The following PLCB1 variants were observed in gnomAD, a reference collection of about 807,000 sequenced individuals.
PLCB1 encodes 1-phosphatidylinositol 4,5-bisphosphate phosphodiesterase beta-1.
Under a neutral mutation model 161.8 loss-of-function variants are expected in PLCB1, and 46 were observed. The observed-to-expected ratio is 0.28, with a 90% CI of 0.22 to 0.36. PLCB1 has a LOEUF of 0.36. PLCB1 is among the 10% of genes least tolerant of loss of function. The pLI, the probability that PLCB1 is intolerant of heterozygous loss-of-function variation, is 1.00. For synonymous variants in PLCB1, 517 were observed against 503.7 expected, an observed-to-expected ratio of 1.03 and a Z score of -0.35; for missense variants, 1,016 against 1,472.5, an observed-to-expected ratio of 0.69 and a Z score of 5.07.
chr20:8,730,160 G>T (rs1254104785), intron 18 of PLCB1, among the ~76,000 whole-genome samples: 2 of 151,864 alleles, frequency 1.3e-5, no homozygotes, highest in Admixed American at 6.6e-5. Context: ...ATCAGGTCAG[G>T]CTGATTAATG....
rs545096868 is a variant in PLCB1, at chr20:8,269,049, C to T, written c.178-102333C>T. Reference sequence around the variant, plus strand: ...TCTCCTCAGTCTACCTGGCTCTGCACTTATTGATCCTGAGAATTTATGAAG... The same window carrying T: ...TCTCCTCAGTCTACCTGGCTCTGCATTTATTGATCCTGAGAATTTATGAAG... On this transcript the variant is annotated intron_variant, in intron 2 of 31. Transcript: ENST00000338037. Among the ~76,000 whole-genome samples the T allele has an allele frequency of 1.0e-4, 15 of 149,230 alleles. No homozygotes were observed. The East Asian group carries it at 2.6e-3, about 26-fold the overall frequency.
intron 31 of PLCB1, among the ~76,000 whole-genome samples, chr20:8,810,651 G>C (rs1984771052): frequency 6.6e-6 from 1 of 152,192 alleles, no homozygotes; most frequent in Admixed American, 6.5e-5. Flanking sequence ...GGTAGTTCTG[G>C]ATAACTTTTA....
chr20:8,416,973 G>A (rs1394565882), intron 3 of PLCB1, among the ~76,000 whole-genome samples: 1 of 119,970 alleles, frequency 8.3e-6, no homozygotes, highest in Non-Finnish European at 1.7e-5. Context: ...CACACACAGA[G>A]TCGCTTCAGC....
intron 2 of PLCB1, among the ~76,000 whole-genome samples, chr20:8,357,213 G>C (rs1167446613): frequency 6.6e-6 from 1 of 152,176 alleles, no homozygotes; most frequent in Non-Finnish European, 1.5e-5. Context: ...AGAGGATAAA[G>C]TGTTTTATCA....
intron 3 of PLCB1, among the ~76,000 whole-genome samples, chr20:8,398,049 G>T (rs1022978990): frequency 4.7e-4 from 71 of 152,016 alleles, no homozygotes; most frequent in African/African-American, 1.6e-3. Flanking sequence ...CCCCCTTGCA[G>T]TGTATTACAG....
At chr20:8,837,088 TGATGAGGGTTCTTTGCCAGCAG>T (rs550460061) in intron 31 of PLCB1, among the ~76,000 whole-genome samples, 90 of 152,290 alleles carry the variant, frequency 5.9e-4, no homozygotes, top group African/African-American at 2.1e-3. Flanking sequence ...CCCTAAATTA[TGATGAGGGTTCTTTGCCAGCAG>T]AAGAGCCCTC....
At chr20:8,308,006 C>G (rs983759055) in intron 2 of PLCB1, among the ~76,000 whole-genome samples, 2 of 151,962 alleles carry the variant, frequency 1.3e-5, no homozygotes, top group African/African-American at 4.8e-5. Context: ...TATTTGTTGT[C>G]TGCATTATAG....
At chr20:8,665,240 G>C (rs1423457013) in intron 9 of PLCB1, among the ~76,000 whole-genome samples, 3 of 152,124 alleles carry the variant, frequency 2.0e-5, no homozygotes, top group Non-Finnish European at 4.4e-5. Context: ...CTGCTCCCTA[G>C]TTTTCTCAAC....
At chr20:8,222,216 T>C (rs1979450062) in intron 2 of PLCB1, among the ~76,000 whole-genome samples, 1 of 152,188 alleles carries the variant, frequency 6.6e-6, no homozygotes, top group South Asian at 2.1e-4. Context: ...TATTAATTTC[T>C]GAAGTTCTGA....
chr20:8,642,050 G>C (rs1168638796), intron 4 of PLCB1, among the ~76,000 whole-genome samples: 1 of 152,064 alleles, frequency 6.6e-6, no homozygotes, highest in East Asian at 1.9e-4. Flanking sequence ...AAATAATTAT[G>C]CATCTTTCCT....
At chr20:8,333,783 CCT>C (rs1685565210) in intron 2 of PLCB1, among the ~76,000 whole-genome samples, 2 of 152,138 alleles carry the variant, frequency 1.3e-5, no homozygotes, top group South Asian at 4.2e-4. Flanking sequence ...TGGTAGAGAC[CCT>C]GTGTGGCCCC....
At chr20:8,134,905 C>G (rs1479583938) in intron 1 of PLCB1, among the ~76,000 whole-genome samples, 1 of 151,538 alleles carries the variant, frequency 6.6e-6, no homozygotes, top group Non-Finnish European at 1.5e-5. Context: ...ACTCAGGAGT[C>G]AAGTTATCTG....
At chr20:8,819,792 C>T (rs936994101) in intron 31 of PLCB1, among the ~76,000 whole-genome samples, 1 of 152,028 alleles carries the variant, frequency 6.6e-6, no homozygotes, top group Non-Finnish European at 1.5e-5. Context: ...CCCAGATGCA[C>T]CATATCCTTG....
chr20:8,442,034 A>G (rs1980583418), intron 3 of PLCB1, among the ~76,000 whole-genome samples: 1 of 152,204 alleles, frequency 6.6e-6, no homozygotes, highest in Admixed American at 6.5e-5. Flanking sequence ...GATTGAATCT[A>G]GAATATAGAA....
chr20:8,280,316 C>T (rs1378399651), intron 2 of PLCB1, among the ~76,000 whole-genome samples: 1 of 129,782 alleles, frequency 7.7e-6, no homozygotes, highest in Non-Finnish European at 1.6e-5. Context: ...ACCTGGGCAA[C>T]AAGAGCGAAA....
rs192553926 is a variant in PLCB1, at chr20:8,786,905, G to A, written c.3112-1544G>A. Among the ~76,000 whole-genome samples the A allele has an allele frequency of 2.8e-3, 426 of 152,016 alleles. 2 individuals are homozygous for A. Among genetic ancestry groups the A allele is most frequent in the African/African-American group, 9.5e-3 (396 of 41,476 alleles). On this transcript the variant is annotated intron_variant, in intron 27 of 31. Coordinates refer to ENST00000338037, the MANE Select transcript of PLCB1 (RefSeq NM_015192.4). The stretch of plus-strand genomic sequence containing the variant: ...TTTTTAGTAGAGACAGGGTTTTACC[G>A]TGTTGGCCAGGCTAGTCTCAAACTC...
intron 23 of PLCB1, among the ~76,000 whole-genome samples, chr20:8,749,239 A>C (rs1024810778): frequency 7.2e-5 from 11 of 152,226 alleles, no homozygotes; most frequent in Admixed American, 3.3e-4. Context: ...AACAATCTGC[A>C]GTGAAGCTGA....
chr20:8,425,138 T>TG lies in PLCB1; in HGVS notation c.246+53688_246+53689insG, dbSNP rs1193777256. 4.6e-3 allele frequency among the ~76,000 whole-genome samples: 694 copies of TG among 151,534 alleles called. 11 individuals are homozygous for TG. Among genetic ancestry groups the TG allele is most frequent in the African/African-American group, 0.015 (636 of 41,368 alleles). ...GACCTGCATTCTGAGGTGTTTTTTT[T>TG]TTTTTTTTAACTTAAGATACATGAA... On this transcript the variant is annotated intron_variant, in intron 3 of 31. Coordinates refer to ENST00000338037, the MANE Select transcript of PLCB1 (RefSeq NM_015192.4).
chr20:8,584,485 C>CACACAG (rs780786029), intron 3 of PLCB1, among the ~76,000 whole-genome samples: 30 of 148,620 alleles, frequency 2.0e-4, no homozygotes, highest in Non-Finnish European at 3.3e-4. Context: ...CACACACAGA[C>CACACAG]ACACACACAC....
Sources: gnomAD v4.1 joint callset for allele counts (sites outside exome capture counted in the v4.1 genomes callset) on GRCh38, gnomAD v4.1.1 for gene constraint, MANE v1.5 for transcripts, NCBI Gene and HGNC (gene_info 2026-07-23, HGNC 2026-07-21) for gene names.